Variants in KCNG3 observed in about 807,000 individuals in gnomAD.
KCNG3 encodes the protein potassium voltage-gated channel modifier subfamily G member 3, also known as voltage-gated potassium channel regulatory subunit KCNG3.
KCNG3 carries 15 observed loss-of-function variants against 29.0 expected under a neutral mutation model. The observed-to-expected ratio is 0.52, with a 90% confidence interval of 0.35 to 0.80. The LOEUF is 0.80. Ranked by LOEUF, KCNG3 falls within the 30% of genes least tolerant of loss-of-function variation. KCNG3 has a pLI of 0.01. For missense variants in KCNG3, 512 were observed against 605.7 expected (o/e 0.85, Z 1.62); for synonymous variants, 322 against 248.9 (o/e 1.29, Z -2.76).
In KCNG3 at chr2:42,493,551, C is replaced by A. The variant is rs1010533286; in HGVS notation, c.-50G>T. The A allele has an allele frequency of 1.7e-5, 22 of 1,288,254 alleles. No individual in the cohort carries two copies. Among genetic ancestry groups the A allele is most frequent in the Non-Finnish European group, 1.8e-5 (18 of 1,023,650 alleles). The allele number at this position is 1,288,254 out of a possible 1,614,324, so 79.8% of individuals were successfully genotyped here. On this transcript the variant is annotated 5_prime_UTR_variant, in exon 1 of 2. Transcript: ENST00000306078. Reference sequence around the variant, plus strand: ...GCCCGAGGGCCCCGCTGCAGCCCCCCACCCCAAGCCGCCACGCGGGGCCTG... The same window carrying A: ...GCCCGAGGGCCCCGCTGCAGCCCCCAACCCCAAGCCGCCACGCGGGGCCTG...
the KCNG3 span, among the ~76,000 whole-genome samples, chr2:42,405,718 C>T: frequency 6.6e-6 from 1 of 152,296 alleles, no homozygotes; most frequent in East Asian, 1.9e-4. Flanking sequence ...CGCCATCCTC[C>T]TGCCTCAGCC....
the KCNG3 span, among the ~76,000 whole-genome samples, chr2:42,393,351 A>T: frequency 7.9e-5 from 12 of 152,156 alleles, no homozygotes; most frequent in South Asian, 2.5e-3. Flanking sequence ...ACTTGAGGTC[A>T]GGAGTTTGAG....
At chr2:42,484,012 A>G (rs1673655037) in intron 1 of KCNG3, among the ~76,000 whole-genome samples, 1 of 152,100 alleles carries the variant, frequency 6.6e-6, no homozygotes, top group African/African-American at 2.4e-5. Flanking sequence ...CGAACTCCTG[A>G]GCTCAAGCGA....
the KCNG3 span, among the ~76,000 whole-genome samples, chr2:42,423,794 G>A: frequency 3.5e-5 from 5 of 141,450 alleles, no homozygotes; most frequent in African/African-American, 1.1e-4. Context: ...AGTCGGAAAT[G>A]AGGTGAAAGG....
intron 1 of KCNG3, among the ~76,000 whole-genome samples, chr2:42,483,616 G>C (rs963054989): frequency 6.6e-6 from 1 of 152,078 alleles, no homozygotes; most frequent in Non-Finnish European, 1.5e-5. Context: ...ACTGTAATGA[G>C]ACTTAGACGA....
intron 1 of KCNG3, among the ~76,000 whole-genome samples, chr2:42,483,482 G>A (rs919507458): frequency 2.0e-5 from 3 of 152,204 alleles, no homozygotes; most frequent in African/African-American, 7.2e-5. Context: ...TTTCTCAGCA[G>A]AGTAGAGTGG....
At chr2:42,431,774 C>T in the KCNG3 span, among the ~76,000 whole-genome samples, 1 of 152,166 alleles carries the variant, frequency 6.6e-6, no homozygotes, top group Non-Finnish European at 1.5e-5. Context: ...ATAGTGGCTT[C>T]TGCCTTTAAC....
intron 1 of KCNG3, among the ~76,000 whole-genome samples, chr2:42,462,693 A>C (rs1673048194): frequency 6.6e-6 from 1 of 152,092 alleles, no homozygotes; most frequent in South Asian, 2.1e-4. Flanking sequence ...AAAATAAATA[A>C]ATAAATAATA....
chr2:42,480,490 G>C (rs1673554538), intron 1 of KCNG3, among the ~76,000 whole-genome samples: 1 of 152,058 alleles, frequency 6.6e-6, no homozygotes, highest in East Asian at 1.9e-4. Flanking sequence ...AGTTTCTATT[G>C]CAACTACCCA....
the KCNG3 span, among the ~76,000 whole-genome samples, chr2:42,402,407 C>G: frequency 6.6e-6 from 1 of 152,130 alleles, no homozygotes; most frequent in African/African-American, 2.4e-5. Context: ...AGTTTTGGGC[C>G]AGGTGTGGTG....
At chr2:42,485,163 T>A (rs1673688299) in intron 1 of KCNG3, among the ~76,000 whole-genome samples, 1 of 152,210 alleles carries the variant, frequency 6.6e-6, no homozygotes, top group Non-Finnish European at 1.5e-5. Flanking sequence ...AATTTTAACA[T>A]TTTAAAAATC....
At chr2:42,482,511 T>A (rs1273470550) in intron 1 of KCNG3, among the ~76,000 whole-genome samples, 1 of 152,062 alleles carries the variant, frequency 6.6e-6, no homozygotes, top group Non-Finnish European at 1.5e-5. Context: ...GATCACAAGG[T>A]CAGGAGTTCA....
the KCNG3 span, among the ~76,000 whole-genome samples, chr2:42,399,044 T>G: frequency 6.8e-6 from 1 of 146,192 alleles, no homozygotes; most frequent in East Asian, 2.1e-4. Context: ...TTCTTTTCTT[T>G]TTTTTTCTTT....
At chr2:42,415,589 T>C in the KCNG3 span, 2 of 152,212 alleles carry the variant, frequency 1.3e-5, no homozygotes, top group Admixed American at 6.5e-5. Flanking sequence ...AATAGACTTT[T>C]GTAGTTGTAA....
rs531929276 is a variant in KCNG3 at position 42,476,322 on chromosome 2, A to G, written c.665+16515T>C. Among the ~76,000 whole-genome samples the G allele has an allele frequency of 7.3e-5, 11 of 151,542 alleles. No individual in the cohort carries two copies. The South Asian group carries it at 2.3e-3, about 32-fold the overall frequency. ...CCCAGTCTCTACAAAAAAAAAATAC[A>G]AAAAATTAGCCAGGTACAGTGGCAC... On this transcript the variant is annotated intron_variant, in intron 1 of 1. Transcript: ENST00000306078.
intron 1 of KCNG3, chr2:42,464,064 G>T: frequency 4.7e-6 from 1 of 213,962 alleles, no homozygotes; most frequent in Non-Finnish European, 9.5e-6. Context: ...CTGCAGCGGG[G>T]GCTGCCTCAA....
At chr2:42,433,430 G>GGT in the KCNG3 span, among the ~76,000 whole-genome samples, 6 of 152,086 alleles carry the variant, frequency 3.9e-5, no homozygotes, top group African/African-American at 1.4e-4. Flanking sequence ...CCATCAATGT[G>GGT]GGCAGGCACC....
Position 42,493,153 on chromosome 2 carries a change from C to G in KCNG3, c.349G>C (p.Asp117His), listed in dbSNP as rs1489025427. 2 of 1,606,814 alleles carry G rather than the reference C, an allele frequency of 1.2e-6. No homozygotes were observed. Among genetic ancestry groups the G allele is most frequent in the African/African-American group, 2.7e-5 (2 of 74,880 alleles). The change falls in exon 1 of 2, where the codon GAC becomes CAC. Residue 117 changes from aspartate (D) to histidine (H), a missense_variant. Asp to His is a moderately conservative substitution (Grantham distance 81, BLOSUM62 -1). Transcript: ENST00000306078. ...HLEYCCQRRL[D>H]DRMSDTYTFY... Reference sequence around the variant, plus strand: ...GTGTAGGTGTCGGACATGCGGTCGTCGAGGCGGCGCTGGCAGCAGTACTCG... The same window carrying G: ...GTGTAGGTGTCGGACATGCGGTCGTGGAGGCGGCGCTGGCAGCAGTACTCG...
Position 42,493,545 on chromosome 2 carries a change from G to A in KCNG3, c.-44C>T. ...CTTTCGGCCCGAGGGCCCCGCTGCA[G>A]CCCCCCACCCCAAGCCGCCACGCGG... is the stretch of plus-strand genomic sequence containing the variant. On this transcript the variant is annotated 5_prime_UTR_variant, in exon 1 of 2. Coordinates refer to ENST00000306078, the MANE Select transcript of KCNG3 (RefSeq NM_133329.6). 3 of 1,325,726 alleles carry A rather than the reference G, an allele frequency of 2.3e-6. No homozygotes were observed. Among genetic ancestry groups the A allele is most frequent in the South Asian group, 2.2e-5 (1 of 46,334 alleles). The allele number at this position is 1,325,726 out of a possible 1,614,324, so 82.1% of individuals were successfully genotyped here.
Sources: gnomAD v4.1 joint callset for allele counts (sites outside exome capture counted in the v4.1 genomes callset) on GRCh38, gnomAD v4.1.1 for gene constraint, MANE v1.5 for transcripts, NCBI Gene and HGNC (gene_info 2026-07-23, HGNC 2026-07-21) for gene names.